The following WDR41 variants were observed in gnomAD, a reference collection of about 807,000 sequenced individuals.
The protein encoded by WDR41 is WD repeat domain 41, also known as WD repeat-containing protein 41.
Under a neutral mutation model 69.3 loss-of-function variants are expected in WDR41, and 63 were observed. The observed-to-expected ratio is 0.91, with a 90% confidence interval of 0.74 to 1.12. WDR41 has a LOEUF of 1.12. Among genes scored for constraint, WDR41 ranks in the 50% most tolerant of loss-of-function variants. The pLI is 0.00. For synonymous variants in WDR41, 185 were observed against 192.1 expected (o/e 0.96, Z 0.31); for missense variants, 543 against 534.5 (o/e 1.02, Z -0.16).
At chr5:77,556,400 CGACT>C (rs1303541245) in intron 1 of WDR41, among the ~76,000 whole-genome samples, 1 of 150,290 alleles carries the variant, frequency 6.7e-6, no homozygotes, top group Non-Finnish European at 1.5e-5. Context: ...CCGTTGCACC[CGACT>C]GACTGACTGT....
Position 77,449,890 on chromosome 5 carries a change from A to G in WDR41, c.587-20T>C. ...AAATTACTAAATGAAAAAGACAGAT[A>G]AAATTTTATTACAATGCTCTAAGAG... On this transcript the variant is annotated intron_variant, in intron 7 of 12. Transcript: ENST00000296679. 1 of 1,515,620 alleles carries G rather than the reference A, an allele frequency of 6.6e-7. No individual in the cohort carries two copies. The highest frequency in any genetic ancestry group is 2.3e-5 in the East Asian group (1 of 44,372). The allele number at this position is 1,515,620 out of a possible 1,614,324, so 93.9% of individuals were successfully genotyped here.
chr5:77,436,277 T>C lies in WDR41; in HGVS notation c.1211A>G (p.His404Arg). ...CAGCAATACCTCCACAGATGATGAG[T>C]GTCCAATCAAATCTCCAATAAGCTC... The part of the protein sequence containing the change: ...SLELIGDLIG[H>R]SSSVEMFLYF... Residue 404 changes from histidine (H) to arginine (R), a missense_variant, in exon 12 of 13, where the codon CAC (histidine) becomes CGC (arginine). His to Arg is a conservative substitution (Grantham distance 29). Transcript: ENST00000296679. 1 of 1,613,860 alleles carries C rather than the reference T, an allele frequency of 6.2e-7. No individual in the cohort carries two copies. Among genetic ancestry groups the C allele is most frequent in the South Asian group, 1.1e-5 (1 of 91,036 alleles).
chr5:77,607,200 A>C (rs150596103), intron 1 of WDR41, among the ~76,000 whole-genome samples: 1 of 152,302 alleles, frequency 6.6e-6, no homozygotes, highest in East Asian at 1.9e-4. Context: ...GTTCATATGG[A>C]ACTGAACAAT....
chr5:77,457,242 G>A (rs1282427707), intron 5 of WDR41, among the ~76,000 whole-genome samples: 4 of 152,036 alleles, frequency 2.6e-5, no homozygotes, highest in African/African-American at 9.7e-5. Flanking sequence ...TTATTCCAGG[G>A]ATAAATCTCA....
intron 1 of WDR41, among the ~76,000 whole-genome samples, chr5:77,595,597 GT>G (rs111755391): frequency 0.11 from 16,584 of 152,162 alleles, 1,099 homozygotes; most frequent in East Asian, 0.24. Flanking sequence ...ATTGTAAGTG[GT>G]TATACTTCAT....
chr5:77,588,621 T>C (rs936683870), intron 1 of WDR41, among the ~76,000 whole-genome samples: 2 of 152,194 alleles, frequency 1.3e-5, no homozygotes, highest in African/African-American at 4.8e-5. Flanking sequence ...ACCTATATGG[T>C]CAATTCTCAT....
At chr5:77,472,039 A>G (rs1251200479) in intron 2 of WDR41, among the ~76,000 whole-genome samples, 1 of 152,202 alleles carries the variant, frequency 6.6e-6, no homozygotes, top group Non-Finnish European at 1.5e-5. Flanking sequence ...ATACTGGCAA[A>G]CCGAATCCAG....
chr5:77,534,859 T>C (rs1742935655), intron 1 of WDR41, among the ~76,000 whole-genome samples: 1 of 152,194 alleles, frequency 6.6e-6, no homozygotes, highest in African/African-American at 2.4e-5. Flanking sequence ...AAACAATAAA[T>C]GATGTGTAGT....
chr5:77,497,318 T>C (rs941155813), intron 1 of WDR41, among the ~76,000 whole-genome samples: 1 of 152,048 alleles, frequency 6.6e-6, no homozygotes, highest in Non-Finnish European at 1.5e-5. Context: ...ACCTACAGAA[T>C]GGAAGAAAAT....
At chr5:77,595,681 T>C (rs1744214951) in intron 1 of WDR41, among the ~76,000 whole-genome samples, 1 of 152,224 alleles carries the variant, frequency 6.6e-6, no homozygotes, top group African/African-American at 2.4e-5. Flanking sequence ...TGCAAAATTA[T>C]CTAATGAATA....
At chr5:77,479,689 C>T (rs1306773887) in intron 2 of WDR41, among the ~76,000 whole-genome samples, 39 of 152,294 alleles carry the variant, frequency 2.6e-4, no homozygotes, top group African/African-American at 8.9e-4. Flanking sequence ...GGATTAAAGA[C>T]ATAAACGTTA....
chr5:77,549,646 T>C (rs1743262033), intron 1 of WDR41, among the ~76,000 whole-genome samples: 1 of 152,114 alleles, frequency 6.6e-6, no homozygotes, highest in Admixed American at 6.5e-5. Context: ...GAAAAAACAT[T>C]CTATGCTCAT....
At chr5:77,503,737 C>G (rs1241612244) in intron 1 of WDR41, among the ~76,000 whole-genome samples, 1 of 152,166 alleles carries the variant, frequency 6.6e-6, no homozygotes, top group Admixed American at 6.5e-5. Flanking sequence ...CAAAACCACT[C>G]AACTACATGG....
chr5:77,474,735 A>G (rs1282845351), intron 2 of WDR41, among the ~76,000 whole-genome samples: 2 of 152,204 alleles, frequency 1.3e-5, no homozygotes, highest in Non-Finnish European at 2.9e-5. Flanking sequence ...CAAAGGTAAA[A>G]CATTTGGTAA....
intron 2 of WDR41, among the ~76,000 whole-genome samples, chr5:77,466,491 C>T (rs1425622258): frequency 2.0e-5 from 3 of 151,770 alleles, no homozygotes; most frequent in Admixed American, 2.0e-4. Flanking sequence ...CTTAAAATTG[C>T]ATTTAGAAGA....
intron 1 of WDR41, among the ~76,000 whole-genome samples, chr5:77,600,857 A>T (rs1010717402): frequency 1.3e-5 from 2 of 151,698 alleles, no homozygotes; most frequent in Non-Finnish European, 2.9e-5. Context: ...TCCAGCCTGG[A>T]TGGCAAAGTG....
At chr5:77,492,078 C>T in intron 1 of WDR41, 92 bp downstream of exon 1, 1 of 1,479,928 alleles carries the variant, frequency 6.8e-7, no homozygotes. Context: ...CCGCCCGGGT[C>T]CCCGCGGTCG....
chr5:77,490,740 T>C (rs1801738192), intron 1 of WDR41, among the ~76,000 whole-genome samples: 2 of 152,106 alleles, frequency 1.3e-5, no homozygotes. Context: ...GTTAAGCAAA[T>C]AACATGATTA....
chr5:77,479,953 C>T (rs1339349113), intron 2 of WDR41: 6 of 151,930 alleles, frequency 3.9e-5, no homozygotes, highest in African/African-American at 1.5e-4. Context: ...CCAGAATCTA[C>T]AATGAACTCC....
Sources: gnomAD v4.1 joint callset for allele counts (sites outside exome capture counted in the v4.1 genomes callset) on GRCh38, gnomAD v4.1.1 for gene constraint, MANE v1.5 for transcripts, NCBI Gene and HGNC (gene_info 2026-07-23, HGNC 2026-07-21) for gene names.